IL1RAPL2: variants seen among roughly 807,000 people sequenced by gnomAD.
IL1RAPL2 encodes X-linked interleukin-1 receptor accessory protein-like 2.
IL1RAPL2 carries 3 observed loss-of-function variants against 44.1 expected under a neutral mutation model. The observed-to-expected ratio is 0.07, with a 90% confidence interval of 0.03 to 0.18. The LOEUF is 0.18. Among genes scored for constraint, IL1RAPL2 ranks in the 10% least tolerant of loss-of-function variants. IL1RAPL2 has a pLI of 1.00. For missense variants in IL1RAPL2, 391 were observed against 496.4 expected, an observed-to-expected ratio of 0.79 and a Z score of 2.02; for synonymous variants, 181 against 178.8, an observed-to-expected ratio of 1.01 and a Z score of -0.10.
chrX:105,068,131 T>C (rs1445152099), intron 2 of IL1RAPL2, among the ~76,000 whole-genome samples: 12 of 111,799 alleles, frequency 1.1e-4, no homozygotes, highest in Admixed American at 8.6e-4. Flanking sequence ...TTTTTGCCTT[T>C]TTATAAATTA....
intron 9 of IL1RAPL2, among the ~76,000 whole-genome samples, chrX:105,751,700 T>G (rs2038598890): frequency 8.9e-6 from 1 of 111,803 alleles, no homozygotes; most frequent in African/African-American, 3.3e-5. Flanking sequence ...TATTTTATTT[T>G]TCTGCATAGA....
intron 2 of IL1RAPL2, among the ~76,000 whole-genome samples, chrX:105,049,701 G>A (rs1181178494): frequency 8.9e-6 from 1 of 111,764 alleles, no homozygotes; most frequent in African/African-American, 3.3e-5. Context: ...CTTCACTGAA[G>A]TGTTTAAATA....
intron 5 of IL1RAPL2, among the ~76,000 whole-genome samples, chrX:105,455,276 G>C (rs2036047443): frequency 8.9e-6 from 1 of 112,133 alleles, no homozygotes. Flanking sequence ...TAGGTTGTCT[G>C]TTCACTCTGT....
At chrX:104,894,660 C>A (rs1923581198) in intron 2 of IL1RAPL2, among the ~76,000 whole-genome samples, 2 of 111,913 alleles carry the variant, frequency 1.8e-5, no homozygotes, top group Non-Finnish European at 3.8e-5. Context: ...GACTTCTCTA[C>A]ATTGGTTATT....
At chrX:104,770,229 CAT>C (rs1259400745) in intron 2 of IL1RAPL2, among the ~76,000 whole-genome samples, 2 of 111,253 alleles carry the variant, frequency 1.8e-5, no homozygotes, top group African/African-American at 6.5e-5. Context: ...CATTCCAAGC[CAT>C]GTTTTAGAAA....
intron 1 of IL1RAPL2, among the ~76,000 whole-genome samples, chrX:104,612,509 G>T (rs747083264): frequency 9.0e-6 from 1 of 111,209 alleles, no homozygotes; most frequent in African/African-American, 3.3e-5. Flanking sequence ...TTATTTCTAC[G>T]TTCTGTATTC....
chrX:104,990,625 T>C (rs2030643975), intron 2 of IL1RAPL2, among the ~76,000 whole-genome samples: 1 of 111,699 alleles, frequency 9.0e-6, no homozygotes, highest in Non-Finnish European at 1.9e-5. Flanking sequence ...ATAAAGGTAA[T>C]CTTGTAATGC....
At chrX:105,546,064 A>G (rs1285120686) in intron 6 of IL1RAPL2, among the ~76,000 whole-genome samples, 1 of 111,256 alleles carries the variant, frequency 9.0e-6, no homozygotes, top group Non-Finnish European at 1.9e-5. Context: ...CACTTTTCCA[A>G]ATCAGGTGAG....
At chrX:105,119,181 CT>C (rs1013726935) in intron 2 of IL1RAPL2, among the ~76,000 whole-genome samples, 8 of 109,192 alleles carry the variant, frequency 7.3e-5, no homozygotes, top group Non-Finnish European at 1.1e-4. Context: ...AACTTAGATA[CT>C]TTTTTTTTAA....
chrX:105,063,779 G>T (rs1030234775), intron 2 of IL1RAPL2, among the ~76,000 whole-genome samples: 1 of 112,068 alleles, frequency 8.9e-6, no homozygotes, highest in Non-Finnish European at 1.9e-5. Context: ...GTAATGCTTT[G>T]GTTCTTGAAG....
chrX:105,408,946 G>T (rs1182199898), intron 5 of IL1RAPL2, among the ~76,000 whole-genome samples: 1 of 110,225 alleles, frequency 9.1e-6, no homozygotes, highest in Non-Finnish European at 1.9e-5. Context: ...TATGATTTTG[G>T]GAAAACTATT....
chrX:105,143,765 C>A (rs1305349228), intron 2 of IL1RAPL2, among the ~76,000 whole-genome samples: 1 of 110,752 alleles, frequency 9.0e-6, no homozygotes. Context: ...ACTTAGGTCT[C>A]CATCATAGGT....
chrX:105,721,136 C>T (rs1329007903), intron 7 of IL1RAPL2, among the ~76,000 whole-genome samples: 1 of 111,514 alleles, frequency 9.0e-6, no homozygotes, highest in East Asian at 2.9e-4. Flanking sequence ...AAGGAATGGG[C>T]CAGGAGCGGT....
chrX:105,415,532 A>G lies in IL1RAPL2; in HGVS notation c.698-68781A>G, dbSNP rs531888216. ...TTTGTGTCCCTAATTGTAATGCTCA[A>G]CAGTCTTGCTATAAATAAGTATAAT... On this transcript the variant is annotated intron_variant, in intron 5 of 10. Coordinates refer to ENST00000372582, the MANE Select transcript of IL1RAPL2 (RefSeq NM_017416.2). Among the ~76,000 whole-genome samples the G allele has an allele frequency of 7.1e-5, 8 of 112,026 alleles. No individual in the cohort carries two copies. In the South Asian group the frequency reaches 2.6e-3, roughly 36 times the overall value.
chrX:104,638,952 G>A (rs951278746), intron 1 of IL1RAPL2, among the ~76,000 whole-genome samples: 1 of 111,940 alleles, frequency 8.9e-6, no homozygotes, highest in African/African-American at 3.2e-5. Context: ...GCTGAGAATG[G>A]GATGTTGAAG....
chrX:105,245,698 G>A (rs781296031), intron 4 of IL1RAPL2, among the ~76,000 whole-genome samples: 1 of 112,620 alleles, frequency 8.9e-6, no homozygotes, highest in Admixed American at 9.4e-5. Flanking sequence ...TGAGCACCCT[G>A]TTGTCACAGA....
intron 1 of IL1RAPL2, among the ~76,000 whole-genome samples, chrX:104,640,176 A>G (rs1929905234): frequency 9.0e-6 from 1 of 111,272 alleles, no homozygotes; most frequent in South Asian, 3.8e-4. Flanking sequence ...CATTCTTTTA[A>G]ATTACTTTTT....
At chrX:104,943,815 T>A (rs1925266977) in intron 2 of IL1RAPL2, among the ~76,000 whole-genome samples, 1 of 112,119 alleles carries the variant, frequency 8.9e-6, no homozygotes, top group Admixed American at 9.5e-5. Context: ...TTCCCCATTA[T>A]AATGCAAGTT....
At chrX:104,567,888 G>A (rs757454324) in intron 1 of IL1RAPL2, among the ~76,000 whole-genome samples, 1 of 112,315 alleles carries the variant, frequency 8.9e-6, no homozygotes, top group Non-Finnish European at 1.9e-5. Context: ...CAAGGGAAAT[G>A]TGTATTATAA....
Sources: allele counts gnomAD v4.1 joint callset (sites outside exome capture counted in the v4.1 genomes callset), GRCh38; gene constraint gnomAD v4.1.1; transcripts MANE v1.5; gene names NCBI Gene and HGNC (gene_info 2026-07-23, HGNC 2026-07-21).